CCDC73: variants seen among roughly 807,000 people sequenced by gnomAD.
CCDC73 encodes coiled-coil domain containing 73.
In CCDC73, 95 loss-of-function variants were observed where a neutral mutation model predicts 116.5. The observed-to-expected ratio is 0.82, with a 90% confidence interval of 0.69 to 0.97. The LOEUF (loss-of-function observed/expected upper bound fraction) is 0.97, where lower values mean the gene tolerates loss of function less well. CCDC73 is among the 50% of genes least tolerant of loss of function. The pLI is 0.00. For missense variants in CCDC73, 1,066 were observed against 1,206.8 expected (o/e 0.88, Z 1.73); for synonymous variants, 398 against 401.3 (o/e 0.99, Z 0.10).
rs145603019 is a variant in CCDC73, at chr11:32,694,625, A to G, written c.390+4626T>C. Among the ~76,000 whole-genome samples, 3 of 152,324 alleles carry G rather than the reference A, an allele frequency of 2.0e-5. No individual in the cohort carries two copies. In the East Asian group the frequency reaches 5.8e-4, roughly 29 times the overall value. On this transcript the variant is annotated intron_variant, in intron 6 of 17. Coordinates refer to ENST00000335185, the MANE Select transcript of CCDC73 (RefSeq NM_001008391.4). Reference sequence around the variant, plus strand: ...AAACAATTAAAAATATACTTTCTATATTGTCCAGATAATTAAATACGTATG... The same window carrying G: ...AAACAATTAAAAATATACTTTCTATGTTGTCCAGATAATTAAATACGTATG...
Position 32,763,073 on chromosome 11 carries a change from C to T in CCDC73, c.-15-2815G>A, listed in dbSNP as rs183114430. On this transcript the variant is annotated intron_variant, in intron 1 of 17. Transcript: ENST00000335185. Reference sequence around the variant, plus strand: ...GGAAGGGCGCCCACCATTGCTGAGGCTTCAGTAGGTAAACAAAGCAGCCAG... The same window carrying T: ...GGAAGGGCGCCCACCATTGCTGAGGTTTCAGTAGGTAAACAAAGCAGCCAG... 7.2e-3 allele frequency among the ~76,000 whole-genome samples: 1,100 copies of T among 152,174 alleles called. 17 individuals are homozygous for T. Among genetic ancestry groups the T allele is most frequent in the African/African-American group, 0.026 (1,061 of 41,554 alleles).
chr11:32,677,293 T>C (rs1331574090), intron 7 of CCDC73, among the ~76,000 whole-genome samples: 1 of 151,728 alleles, frequency 6.6e-6, no homozygotes. Flanking sequence ...TTTTCTTCAT[T>C]ACAACATGGA....
At chr11:32,759,616 T>C (rs1850373642) in intron 2 of CCDC73, among the ~76,000 whole-genome samples, 2 of 152,174 alleles carry the variant, frequency 1.3e-5, no homozygotes, top group African/African-American at 2.4e-5. Context: ...ACATATCCTT[T>C]AAGAAAAAAT....
At position 32,614,397 on chromosome 11, in the gene CCDC73, G is replaced by C. The variant is rs1476589798; in HGVS notation, c.1921C>G (p.Pro641Ala). The change falls in exon 16 of 18, where the codon CCA (proline) becomes GCA (alanine). Residue 641 changes from proline (P) to alanine (A), a missense_variant. Coordinates refer to ENST00000335185, the MANE Select transcript of CCDC73 (RefSeq NM_001008391.4). ...SSLDIKKNPV[P>A]CQKYSLRNSS... ...TTCCGTAAACTATATTTCTGACATGGAACAGGATTTTTTTTTATATCTAGA... is the reference window on the plus strand; with the variant it reads ...TTCCGTAAACTATATTTCTGACATGCAACAGGATTTTTTTTTATATCTAGA... 2 of 1,613,136 alleles carry C rather than the reference G, an allele frequency of 1.2e-6. No homozygotes were observed. The highest frequency in any genetic ancestry group is 3.3e-5 in the Admixed American group (2 of 59,894).
intron 12 of CCDC73, among the ~76,000 whole-genome samples, chr11:32,643,873 CT>C (rs1459136568): frequency 1.3e-5 from 2 of 151,782 alleles, no homozygotes; most frequent in Admixed American, 6.6e-5. Context: ...ACTTTACAAA[CT>C]TTTTTTTAAC....
intron 16 of CCDC73, among the ~76,000 whole-genome samples, chr11:32,612,157 C>T (rs543867702): frequency 1.3e-5 from 2 of 151,974 alleles, no homozygotes; most frequent in Non-Finnish European, 2.9e-5. Context: ...TAAAAGAAGC[C>T]TGTTAAATCT....
chr11:32,801,596 G>A, the CCDC73 span, among the ~76,000 whole-genome samples: 34 of 150,620 alleles, frequency 2.3e-4, no homozygotes, highest in South Asian at 6.3e-4. Context: ...AGCGGCAATC[G>A]CACCACTGCA....
intron 2 of CCDC73, among the ~76,000 whole-genome samples, chr11:32,751,794 GT>G (rs1204689574): frequency 6.6e-6 from 1 of 152,146 alleles, no homozygotes; most frequent in Non-Finnish European, 1.5e-5. Context: ...TTGTGTAGTT[GT>G]CAAATTTGGT....
intron 1 of CCDC73, among the ~76,000 whole-genome samples, chr11:32,770,220 T>C (rs1229566981): frequency 6.6e-6 from 1 of 152,194 alleles, no homozygotes; most frequent in African/African-American, 2.4e-5. Context: ...GACTTCTTCA[T>C]AGCATGGTGA....
At chr11:32,692,138 G>C (rs1057194789) in intron 6 of CCDC73, among the ~76,000 whole-genome samples, 13 of 145,974 alleles carry the variant, frequency 8.9e-5, no homozygotes, top group African/African-American at 2.3e-4. Flanking sequence ...TTTTAGCTTT[G>C]TGTTTTACAT....
intron 14 of CCDC73, among the ~76,000 whole-genome samples, chr11:32,624,263 C>A (rs1855548577): frequency 6.6e-6 from 1 of 152,028 alleles, no homozygotes; most frequent in Non-Finnish European, 1.5e-5. Flanking sequence ...TTGCTTGAAC[C>A]CAGGAGGCGG....
chr11:32,735,460 G>A (rs1167701985), intron 2 of CCDC73, among the ~76,000 whole-genome samples: 1 of 152,122 alleles, frequency 6.6e-6, no homozygotes, highest in Non-Finnish European at 1.5e-5. Context: ...ATCTTACAAG[G>A]GATGTGAAGG....
chr11:32,806,372 C>T, the CCDC73 span, among the ~76,000 whole-genome samples: 3 of 152,270 alleles, frequency 2.0e-5, no homozygotes, highest in African/African-American at 7.2e-5. Context: ...TATCATCCCG[C>T]ACTTTGGGAG....
In CCDC73 at chr11:32,654,917, T is replaced by G. The variant is rs1245717289; in HGVS notation, c.701A>C (p.Lys234Thr). ...TAGATTGATGTTTTCTTCTCCCATC[T>G]TATATTGACATGTGACTTTGGACTT... ...LIKSKVTCQY[K>T]MGEENINLTI... The change falls in exon 10 of 18, where the codon AAG (lysine) becomes ACG (threonine). Residue 234 changes from lysine (K) to threonine (T), a missense_variant. Lys to Thr is a moderately conservative substitution (Grantham distance 78). Coordinates refer to ENST00000335185, the MANE Select transcript of CCDC73 (RefSeq NM_001008391.4). 1 of 1,605,262 alleles carries G rather than the reference T, an allele frequency of 6.2e-7. No homozygotes were observed. Among genetic ancestry groups the G allele is most frequent in the Non-Finnish European group, 8.5e-7 (1 of 1,177,320 alleles).
At chr11:32,704,688 T>A (rs932279672) in intron 3 of CCDC73, among the ~76,000 whole-genome samples, 3 of 152,180 alleles carry the variant, frequency 2.0e-5, no homozygotes, top group African/African-American at 4.8e-5. Context: ...CAGTTTTGGA[T>A]GAAGTGGTGG....
At chr11:32,617,673 G>A (rs1488750342) in intron 14 of CCDC73, among the ~76,000 whole-genome samples, 1 of 152,172 alleles carries the variant, frequency 6.6e-6, no homozygotes, top group Non-Finnish European at 1.5e-5. Flanking sequence ...TGAGGGAGAA[G>A]GTGAGTCAAG....
intron 6 of CCDC73, among the ~76,000 whole-genome samples, chr11:32,698,125 C>T (rs992135481): frequency 1.2e-4 from 18 of 150,494 alleles, no homozygotes; most frequent in East Asian, 7.9e-4. Flanking sequence ...CCCGGGTTCA[C>T]GCCATTCTCC....
At chr11:32,616,235 C>A (rs1855473901) in intron 14 of CCDC73, 106 bp from the exon 15 acceptor site, 2 of 1,136,726 alleles carry the variant, frequency 1.8e-6, no homozygotes, top group African/African-American at 1.6e-5. Context: ...AACCATTCAG[C>A]AATTTCTATT....
intron 1 of CCDC73, among the ~76,000 whole-genome samples, chr11:32,765,875 G>C: frequency 6.6e-6 from 1 of 152,168 alleles, no homozygotes; most frequent in African/African-American, 2.4e-5. Context: ...TTCTACCAGA[G>C]GTACAAGGAG....
Sources: allele counts gnomAD v4.1 joint callset (sites outside exome capture counted in the v4.1 genomes callset), GRCh38; gene constraint gnomAD v4.1.1; transcripts MANE v1.5; gene names NCBI Gene and HGNC (gene_info 2026-07-23, HGNC 2026-07-21).